RREB1: variants seen among roughly 807,000 people sequenced by gnomAD.
RREB1 encodes the protein ras-responsive element-binding protein 1.
RREB1 carries 27 observed loss-of-function variants against 117.8 expected under a neutral mutation model. The ratio of observed to expected loss-of-function variants is 0.23; its 90% confidence interval spans 0.17 to 0.32. RREB1 has a LOEUF of 0.32. RREB1 is among the 10% of genes least tolerant of loss of function. RREB1 has a pLI of 1.00. For missense variants in RREB1, 2,577 were observed against 2,378.2 expected (o/e 1.08, Z -1.74); for synonymous variants, 1,298 against 1,026.7 (o/e 1.26, Z -5.05).
chr6:7,217,392 T>A (rs1766963959), intron 8 of RREB1: 1 of 152,228 alleles, frequency 6.6e-6, no homozygotes, highest in Admixed American at 6.5e-5. Context: ...GGCAGGTATT[T>A]CGCAGGTTCT....
chr6:7,172,687 G>T (rs542556589), intron 1 of RREB1, among the ~76,000 whole-genome samples: 2 of 142,352 alleles, frequency 1.4e-5, no homozygotes, highest in African/African-American at 5.4e-5. Flanking sequence ...ACGGGTTGCC[G>T]GTGTGGGGGG....
chr6:7,230,077 G>T lies in RREB1; in HGVS notation c.1978G>T (p.Ala660Ser). 1 of 1,601,764 alleles carries T rather than the reference G, an allele frequency of 6.2e-7. No individual in the cohort carries two copies. Among genetic ancestry groups the T allele is most frequent in the African/African-American group, 1.3e-5 (1 of 74,688 alleles). ...GTTTGCCTTCTCGGGGGTCTTGCGT[G>T]CCCACGTGCGCTCCCACCTGGGCAT... ...QVFAFSGVLR[A>S]HVRSHLGISP... Residue 660 changes from alanine to serine, a missense_variant, in exon 10 of 13, where the codon GCC becomes TCC. Coordinates refer to ENST00000379938, the MANE Select transcript of RREB1 (RefSeq NM_001003699.4).
intron 8 of RREB1, chr6:7,212,831 G>T (rs572162634): frequency 6.6e-6 from 1 of 152,238 alleles, no homozygotes; most frequent in East Asian, 1.9e-4. Flanking sequence ...AATCCAAATT[G>T]TACAGTAACT....
chr6:7,202,969 G>T (rs1766069226), intron 6 of RREB1, among the ~76,000 whole-genome samples: 1 of 152,178 alleles, frequency 6.6e-6, no homozygotes, highest in Non-Finnish European at 1.5e-5. Context: ...TGTGGATTTT[G>T]TAAATAGATA....
chr6:7,158,909 G>A (rs943789915), intron 1 of RREB1, among the ~76,000 whole-genome samples: 1 of 151,786 alleles, frequency 6.6e-6, no homozygotes, highest in Non-Finnish European at 1.5e-5. Flanking sequence ...GGAAAAAACT[G>A]ATTAGTTTTC....
At chr6:7,218,271 A>G (rs1046534059) in intron 8 of RREB1, 1 of 152,216 alleles carries the variant, frequency 6.6e-6, no homozygotes, top group Non-Finnish European at 1.5e-5. Flanking sequence ...AGCTGTCACA[A>G]TGGTAGACTT....
At position 7,247,109 on chromosome 6, in the gene RREB1, C is replaced by G. The variant is rs1769131479; in HGVS notation, c.4659C>G (p.Asp1553Glu). 6.2e-7 allele frequency: 1 copy of G among 1,613,896 alleles called. No homozygotes were observed. Among genetic ancestry groups the G allele is most frequent in the East Asian group, 2.2e-5 (1 of 44,848 alleles). ...ACGATGACAAGAAACCAAAGACAGA[C>G]TCCCCCAAAAGCGTGGCCAGCAAGG... The part of the protein sequence containing the change: ...KSDDDKKPKT[D>E]SPKSVASKAD... Residue 1553 changes from aspartate to glutamate, a missense_variant, in exon 12 of 13, where the codon GAC becomes GAG. Asp to Glu is a conservative substitution (Grantham distance 45, BLOSUM62 2). Transcript: ENST00000379938.
At chr6:7,155,586 C>T (rs1763328480) in intron 1 of RREB1, among the ~76,000 whole-genome samples, 1 of 152,374 alleles carries the variant, frequency 6.6e-6, no homozygotes, top group Non-Finnish European at 1.5e-5. Flanking sequence ...GCTGGGATTA[C>T]AGGCGTGAGC....
intron 8 of RREB1, among the ~76,000 whole-genome samples, chr6:7,225,943 G>A (rs1410167077): frequency 2.0e-5 from 3 of 152,116 alleles, no homozygotes; most frequent in Admixed American, 1.3e-4. Context: ...ACAACTTAAT[G>A]CACAATCACC....
At chr6:7,180,774 G>C (rs543373897) in intron 2 of RREB1, among the ~76,000 whole-genome samples, 5 of 152,220 alleles carry the variant, frequency 3.3e-5, no homozygotes, top group Non-Finnish European at 5.9e-5. Flanking sequence ...AGATAAAGGC[G>C]TGAGACGGGT....
chr6:7,199,021 A>C (rs565260577), intron 6 of RREB1, among the ~76,000 whole-genome samples: 5 of 152,298 alleles, frequency 3.3e-5, no homozygotes, highest in African/African-American at 9.6e-5. Context: ...CTTTCACCAC[A>C]TAAGCTTATT....
intron 6 of RREB1, among the ~76,000 whole-genome samples, chr6:7,210,308 A>C (rs1430383036): frequency 6.6e-6 from 1 of 152,242 alleles, no homozygotes; most frequent in Non-Finnish European, 1.5e-5. Flanking sequence ...TTGCTCTGTT[A>C]GCATGTCTCA....
At chr6:7,196,212 T>C (rs1052640542) in intron 6 of RREB1, among the ~76,000 whole-genome samples, 13 of 140,614 alleles carry the variant, frequency 9.2e-5, no homozygotes, top group African/African-American at 3.2e-4. Context: ...TTTGGTTTTT[T>C]TTTTCGTTTT....
chr6:7,211,802 G>A (rs1278897785), intron 8 of RREB1, 93 bp downstream of exon 8: 14 of 1,345,106 alleles, frequency 1.0e-5, no homozygotes, highest in Non-Finnish European at 1.5e-5. Context: ...CCGGGCTCCA[G>A]TGATTGAACT....
intron 1 of RREB1, among the ~76,000 whole-genome samples, chr6:7,170,707 T>C (rs1372765760): frequency 6.6e-6 from 1 of 152,202 alleles, no homozygotes; most frequent in Non-Finnish European, 1.5e-5. Context: ...TTTATTATTA[T>C]TTTTTATTGT....
chr6:7,222,294 T>A (rs1056101427), intron 8 of RREB1, among the ~76,000 whole-genome samples: 2 of 152,262 alleles, frequency 1.3e-5, no homozygotes, highest in African/African-American at 4.8e-5. Context: ...TGGGGTGATC[T>A]AGGAGTCTGC....
intron 12 of RREB1, among the ~76,000 whole-genome samples, chr6:7,247,897 C>T (rs915233824): frequency 6.6e-6 from 1 of 152,238 alleles, no homozygotes; most frequent in Non-Finnish European, 1.5e-5. Context: ...TCAGCCGCAG[C>T]TTCCCTCCCT....
chr6:7,153,105 GTTTTTTT>G lies in RREB1; in HGVS notation c.-284-23535_-284-23529del, dbSNP rs369606887. On this transcript the variant is annotated intron_variant, in intron 1 of 12. Transcript: ENST00000379938. The stretch of plus-strand genomic sequence containing the variant: ...AGGAGGTATTAATCTTTGTGAGAGG[GTTTTTTT>G]TTTTTTTTTTTTTTGAGGAAAATAT... Among the ~76,000 whole-genome samples, 7 of 105,036 alleles carry G rather than the reference GTTTTTTT, an allele frequency of 6.7e-5. No homozygotes were observed. The East Asian group carries it at 1.1e-3, about 16-fold the overall frequency. The allele number at this position is 105,036 out of a possible 152,430, so 68.9% of individuals were successfully genotyped here. A position where few individuals can be genotyped will look rare whatever the true frequency, so the allele number is the denominator to read the frequency against.
intron 8 of RREB1, among the ~76,000 whole-genome samples, chr6:7,224,226 A>G (rs1227378453): frequency 6.6e-6 from 1 of 152,112 alleles, no homozygotes; most frequent in African/African-American, 2.4e-5. Context: ...CTCTTCCCCA[A>G]CCCAGGTAAT....
Sources: gnomAD v4.1 joint callset for allele counts (sites outside exome capture counted in the v4.1 genomes callset) on GRCh38, gnomAD v4.1.1 for gene constraint, MANE v1.5 for transcripts, NCBI Gene and HGNC (gene_info 2026-07-23, HGNC 2026-07-21) for gene names.